TTLL9: variants seen among roughly 807,000 people sequenced by gnomAD.
The protein encoded by TTLL9 is probable tubulin polyglutamylase TTLL9.
In TTLL9, 47 loss-of-function variants were observed where a neutral mutation model predicts 65.6. The ratio of observed to expected loss-of-function variants is 0.72; its 90% CI spans 0.57 to 0.91. The LOEUF (loss-of-function observed/expected upper bound fraction) is 0.91. Among genes scored for constraint, TTLL9 ranks in the 40% least tolerant of loss-of-function variants. TTLL9 has a pLI of 0.00. For missense variants in TTLL9, 537 were observed against 568.8 expected, an observed-to-expected ratio of 0.94 and a Z score of 0.57; for synonymous variants, 179 against 204.8, an observed-to-expected ratio of 0.87 and a Z score of 1.07.
chr20:31,889,978 CTT>C (rs1600534838), intron 3 of TTLL9, among the ~76,000 whole-genome samples: 17 of 60,820 alleles, frequency 2.8e-4, no homozygotes, highest in African/African-American at 7.7e-4. Context: ...CTCTCTCTTT[CTT>C]TCTTTCTTTC....
chr20:31,912,637 GTGTGTGTA>G (rs1381978898), intron 6 of TTLL9, among the ~76,000 whole-genome samples: 21 of 145,948 alleles, frequency 1.4e-4, no homozygotes, highest in African/African-American at 5.5e-4. Flanking sequence ...GTGTGTGTGT[GTGTGTGTA>G]TGTCTGTGTG....
intron 2 of TTLL9, among the ~76,000 whole-genome samples, chr20:31,883,588 A>C (rs1350020817): frequency 1.3e-5 from 2 of 152,222 alleles, no homozygotes; most frequent in African/African-American, 2.4e-5. Context: ...GGGCCCAGGC[A>C]GATGTAAATG....
chr20:31,890,692 G>A (rs1483164782), intron 3 of TTLL9, among the ~76,000 whole-genome samples: 2 of 152,172 alleles, frequency 1.3e-5, no homozygotes, highest in Non-Finnish European at 1.5e-5. Flanking sequence ...AATCCCCCAG[G>A]GAATTCCTGG....
chr20:31,894,162 G>GGA (rs1488932044), intron 3 of TTLL9, among the ~76,000 whole-genome samples: 1 of 139,322 alleles, frequency 7.2e-6, no homozygotes, highest in Admixed American at 7.7e-5. Flanking sequence ...GGAGTGCAGT[G>GGA]GTGCGATCAT....
intron 4 of TTLL9, chr20:31,901,128 A>G (rs1173842606): frequency 3.3e-4 from 50 of 152,338 alleles, no homozygotes; most frequent in Non-Finnish European, 2.9e-5. Context: ...TTTAGAACAG[A>G]TGTGGCCAGA....
intron 2 of TTLL9, chr20:31,879,804 C>G (rs561908856): frequency 6.5e-7 from 1 of 1,546,984 alleles, no homozygotes; most frequent in Middle Eastern, 1.7e-4. Context: ...AGGCGCCTGT[C>G]TGTCGCCTTG....
chr20:31,876,786 G>A (rs138170334), intron 2 of TTLL9, among the ~76,000 whole-genome samples: 62 of 152,174 alleles, frequency 4.1e-4, no homozygotes, highest in African/African-American at 1.2e-3. Flanking sequence ...GTTTCCCCAC[G>A]TCCTCACTAA....
chr20:31,895,181 G>A (rs1170204379), intron 3 of TTLL9, among the ~76,000 whole-genome samples: 1 of 152,240 alleles, frequency 6.6e-6, no homozygotes, highest in African/African-American at 2.4e-5. Flanking sequence ...GGGTTCTCTT[G>A]GGGAAAGAGG....
At chr20:31,913,965 C>G (rs2063695223) in intron 6 of TTLL9, among the ~76,000 whole-genome samples, 1 of 152,172 alleles carries the variant, frequency 6.6e-6, no homozygotes, top group South Asian at 2.1e-4. Flanking sequence ...TGGGGCCTGT[C>G]AGTCTCTCTG....
In TTLL9 at chr20:31,887,249, C is replaced by G. The variant is rs1391522971; in HGVS notation, c.113+10C>G. 5 of 1,614,150 alleles carry G rather than the reference C, an allele frequency of 3.1e-6. No homozygotes were observed. The highest frequency in any genetic ancestry group is 4.2e-6 in the Non-Finnish European group (5 of 1,180,016). On this transcript the variant is annotated intron_variant, in intron 3 of 14. Transcript: ENST00000535842. ...CAAAGGGAAAAGAGCGGTGAGTGGT[C>G]CCATCCAATCCAACAATCACAGCGC... is the stretch of plus-strand genomic sequence containing the variant.
chr20:31,894,098 CTTTTTT>C (rs1162101774), intron 3 of TTLL9, among the ~76,000 whole-genome samples: 5 of 92,094 alleles, frequency 5.4e-5, no homozygotes, highest in Admixed American at 4.2e-4. Flanking sequence ...CCATTTGGTT[CTTTTTT>C]TTTTTTTTTT....
intron 10 of TTLL9, 59 bp downstream of exon 10, chr20:31,926,150 C>A: frequency 8.2e-7 from 1 of 1,218,068 alleles, no homozygotes; most frequent in Non-Finnish European, 1.2e-6. Flanking sequence ...GGGGTGATTC[C>A]ATGGGAGAGG....
intron 3 of TTLL9, among the ~76,000 whole-genome samples, chr20:31,896,135 C>T (rs1217859348): frequency 1.3e-5 from 2 of 152,018 alleles, no homozygotes; most frequent in African/African-American, 2.4e-5. Context: ...CCACTGCGCC[C>T]GGCCTGATTT....
rs767453041 is a variant in TTLL9, at chr20:31,926,002, C to T, written c.706-47C>T. ...GCTAACCACCCCCGACACACCTACC[C>T]CTTCCCACACTCTGGCCAGTCCCAA... is the stretch of plus-strand genomic sequence containing the variant. On this transcript the variant is annotated intron_variant, in intron 9 of 14. Coordinates refer to ENST00000535842, the MANE Select transcript of TTLL9 (RefSeq NM_001008409.5). The T allele has an allele frequency of 6.8e-6, 11 of 1,611,782 alleles. No individual in the cohort carries two copies. The South Asian group carries it at 1.2e-4, about 18-fold the overall frequency.
chr20:31,913,688 G>A (rs1222520508), intron 6 of TTLL9, among the ~76,000 whole-genome samples: 2 of 152,194 alleles, frequency 1.3e-5, no homozygotes, highest in Non-Finnish European at 2.9e-5. Flanking sequence ...ACCCTGTGGG[G>A]ACCCTCTTCC....
In TTLL9 at chr20:31,937,410, T is replaced by G; in HGVS notation, c.1019T>G (p.Val340Gly). Reference sequence around the variant, plus strand: ...TCCCTTCCCAGGTGGCTCCTGGAGGTCAATGCGTCCCCATCACTGACAGCC... The same window carrying G: ...TCCCTTCCCAGGTGGCTCCTGGAGGGCAATGCGTCCCCATCACTGACAGCC... ...DQDLKPWLLEVNASPSLTASS... is the reference protein window; with the variant it reads ...DQDLKPWLLEGNASPSLTASS... The change falls in exon 13 of 15, where the codon GTC (valine) becomes GGC (glycine). Residue 340 changes from valine (V) to glycine (G), a missense_variant. Physicochemically the swap from Val to Gly is moderately radical, Grantham distance 109. Around this residue, in one of 3 missense-constraint regions of TTLL9, gnomAD observed 205 missense variants for 225.9 expected, o/e 0.91. Coordinates refer to ENST00000535842, the MANE Select transcript of TTLL9 (RefSeq NM_001008409.5). 1.2e-6 allele frequency: 2 copies of G among 1,613,198 alleles called. No homozygotes were observed. Among genetic ancestry groups the G allele is most frequent in the South Asian group, 2.2e-5 (2 of 91,008 alleles).
At chr20:31,878,616 T>G (rs1184521885) in intron 2 of TTLL9, among the ~76,000 whole-genome samples, 2 of 152,214 alleles carry the variant, frequency 1.3e-5, no homozygotes, top group Non-Finnish European at 2.9e-5. Context: ...CAAACTCTGA[T>G]TTTGACCATA....
At chr20:31,918,322 G>A (rs2063768375) in intron 6 of TTLL9, among the ~76,000 whole-genome samples, 1 of 152,066 alleles carries the variant, frequency 6.6e-6, no homozygotes, top group South Asian at 2.1e-4. Flanking sequence ...CTGTCAATTA[G>A]CACTTCTCTG....
At chr20:31,898,426 AG>A in intron 3 of TTLL9, 46 bp from the exon 4 acceptor site, 1 of 1,567,748 alleles carries the variant, frequency 6.4e-7, no homozygotes, top group Non-Finnish European at 8.8e-7. Context: ...GCGCCATCCT[AG>A]GAAAATCATT....
Sources: allele counts gnomAD v4.1 joint callset (sites outside exome capture counted in the v4.1 genomes callset), GRCh38; gene constraint gnomAD v4.1.1; regional missense constraint gnomAD v4.1.1; transcripts MANE v1.5; gene names NCBI Gene and HGNC (gene_info 2026-07-23, HGNC 2026-07-21).